The following RABEP1 variants were observed in gnomAD, a reference collection of about 807,000 sequenced individuals.
The protein encoded by RABEP1 is rabaptin, RAB GTPase binding effector protein 1.
RABEP1 carries 51 observed loss-of-function variants against 123.4 expected under a neutral mutation model. The ratio of observed to expected loss-of-function variants is 0.41; its 90% CI spans 0.33 to 0.52. The LOEUF (loss-of-function observed/expected upper bound fraction) is 0.52. Among genes scored for constraint, RABEP1 ranks in the 20% least tolerant of loss-of-function variants. The pLI, the probability that RABEP1 is intolerant of heterozygous loss-of-function variation, is 0.16. For missense variants in RABEP1, 888 were observed against 996.3 expected, an observed-to-expected ratio of 0.89 and a Z score of 1.46; for synonymous variants, 347 against 355.2, an observed-to-expected ratio of 0.98 and a Z score of 0.26.
chr17:5,362,784 G>A (rs1006541626), intron 9 of RABEP1, 128 bp from the exon 10 acceptor site: 20 of 631,124 alleles, frequency 3.2e-5, no homozygotes, highest in Non-Finnish European at 5.1e-5. Flanking sequence ...ACTTTTTGCC[G>A]TAAGGCCCTG....
intron 2 of RABEP1, among the ~76,000 whole-genome samples, chr17:5,319,391 G>T (rs1484098798): frequency 6.6e-6 from 1 of 151,118 alleles, no homozygotes; most frequent in Non-Finnish European, 1.5e-5. Context: ...TTTTGAGGTG[G>T]AGTCTCACTT....
intron 13 of RABEP1, among the ~76,000 whole-genome samples, chr17:5,375,118 C>A (rs200202811): frequency 7.1e-6 from 1 of 141,364 alleles, no homozygotes; most frequent in Non-Finnish European, 1.5e-5. Context: ...TTTTTTTTTC[C>A]TTTTTAAGGA....
chr17:5,332,754 A>C (rs1034114579), intron 3 of RABEP1, among the ~76,000 whole-genome samples: 2 of 151,814 alleles, frequency 1.3e-5, no homozygotes, highest in African/African-American at 2.4e-5. Context: ...GATTACAAGC[A>C]TGTGCCACCA....
chr17:5,338,815 CT>C (rs1211236662), intron 5 of RABEP1, among the ~76,000 whole-genome samples: 1 of 152,014 alleles, frequency 6.6e-6, no homozygotes, highest in Non-Finnish European at 1.5e-5. Flanking sequence ...GATAATGTAG[CT>C]ATAGTATTGC....
At chr17:5,315,311 C>T (rs892257258) in intron 2 of RABEP1, among the ~76,000 whole-genome samples, 1 of 152,236 alleles carries the variant, frequency 6.6e-6, no homozygotes, top group South Asian at 2.1e-4. Flanking sequence ...AGAGACGATA[C>T]AGAGGTTTTA....
At chr17:5,283,011 A>G (rs2074943311) in intron 1 of RABEP1, among the ~76,000 whole-genome samples, 1 of 152,144 alleles carries the variant, frequency 6.6e-6, no homozygotes, top group South Asian at 2.1e-4. Context: ...ATTTAGTAGC[A>G]TTCCCTGAAT....
At chr17:5,365,657 G>A (rs1218302927) in intron 11 of RABEP1, among the ~76,000 whole-genome samples, 2 of 151,882 alleles carry the variant, frequency 1.3e-5, no homozygotes, top group East Asian at 3.9e-4. Flanking sequence ...TAGAATATTA[G>A]CTGGTACCCC....
chr17:5,377,433 C>T, intron 14 of RABEP1, 128 bp downstream of exon 14: 1 of 547,426 alleles, frequency 1.8e-6, no homozygotes, highest in Non-Finnish European at 2.9e-6. Flanking sequence ...GGACTCAGTC[C>T]ATTTTTTGTA....
intron 8 of RABEP1, among the ~76,000 whole-genome samples, chr17:5,360,479 G>T (rs909113497): frequency 6.6e-6 from 1 of 152,222 alleles, no homozygotes; most frequent in Non-Finnish European, 1.5e-5. Flanking sequence ...GGAGAATGGC[G>T]TGAGCCCGGG....
At chr17:5,289,863 T>C (rs2075016357) in intron 1 of RABEP1, among the ~76,000 whole-genome samples, 1 of 152,188 alleles carries the variant, frequency 6.6e-6, no homozygotes, top group Admixed American at 6.6e-5. Flanking sequence ...CCTGCACTTA[T>C]CCACTGTCTT....
intron 2 of RABEP1, among the ~76,000 whole-genome samples, chr17:5,320,116 T>G (rs1286670291): frequency 6.6e-6 from 1 of 151,866 alleles, no homozygotes; most frequent in Non-Finnish European, 1.5e-5. Context: ...AAAGAGAGGA[T>G]CCTAAAAGTA....
intron 1 of RABEP1, chr17:5,283,917 C>T (rs2074952831): frequency 6.6e-6 from 1 of 152,268 alleles, no homozygotes; most frequent in South Asian, 2.1e-4. Flanking sequence ...GGTGGGCTGT[C>T]AGAGAGAGGA....
intron 4 of RABEP1, among the ~76,000 whole-genome samples, chr17:5,335,942 A>G (rs991456434): frequency 3.3e-5 from 5 of 151,968 alleles, no homozygotes; most frequent in Non-Finnish European, 7.4e-5. Flanking sequence ...AATAGATGTT[A>G]GTTTTCCTTC....
In RABEP1 at chr17:5,380,301, T is replaced by G. The variant is rs899880721; in HGVS notation, c.2272-63T>G. ...GTAATTCTCCAGGCTCTAGGCTCTT[T>G]TAGGTAGTGCACTGGGGCCCAGAGG... is the stretch of plus-strand genomic sequence containing the variant. On this transcript the variant is annotated intron_variant, in intron 15 of 17. Transcript: ENST00000537505. 11 of 1,125,164 alleles carry G rather than the reference T, an allele frequency of 9.8e-6. No homozygotes were observed. In the Admixed American group the frequency reaches 2.5e-4, roughly 25 times the overall value. 69.7% of individuals were successfully genotyped at this position (1,125,164 alleles called of 1,614,324 possible). A position where few individuals can be genotyped will look rare whatever the true frequency, so the allele number is the denominator to read the frequency against.
rs927113359 is a variant in RABEP1, at chr17:5,373,368, A to G, written c.1939A>G (p.Lys647Glu). Residue 647 changes from lysine (K) to glutamate (E), a missense_variant, in exon 13 of 18, where the codon AAA becomes GAA. Physicochemically the swap from Lys to Glu is moderately conservative, Grantham distance 56 (BLOSUM62 1). Coordinates refer to ENST00000537505, the MANE Select transcript of RABEP1 (RefSeq NM_004703.6). ...QVSEELVRLQ[K>E]DNDSLQGKHS... The stretch of plus-strand genomic sequence containing the variant: ...TTCAGAAGAGCTGGTGAGGTTACAG[A>G]AAGATAATGACAGTCTCCAGGGAAA... The G allele has an allele frequency of 5.6e-6, 9 of 1,613,418 alleles. No individual in the cohort carries two copies. In the African/African-American group the frequency reaches 9.4e-5, roughly 17 times the overall value.
chr17:5,342,700 A>G (rs1297358359), intron 5 of RABEP1, among the ~76,000 whole-genome samples: 1 of 152,332 alleles, frequency 6.6e-6, no homozygotes, highest in African/African-American at 2.4e-5. Context: ...TTGATAATTC[A>G]GTTCTAGAAG....
chr17:5,332,286 AC>A, intron 3 of RABEP1, 134 bp downstream of exon 3: 1 of 806,502 alleles, frequency 1.2e-6, no homozygotes, highest in Non-Finnish European at 1.9e-6. Context: ...ATCAAGATAT[AC>A]TTTCAGATAA....
At chr17:5,380,202 G>A (rs1911333770) in intron 15 of RABEP1, among the ~76,000 whole-genome samples, 162 bp from the exon 16 acceptor site, 2 of 152,186 alleles carry the variant, frequency 1.3e-5, no homozygotes, top group South Asian at 2.1e-4. Flanking sequence ...GAATAGTTCA[G>A]GAAGAATACA....
At chr17:5,320,248 A>G (rs1217680541) in intron 2 of RABEP1, among the ~76,000 whole-genome samples, 2 of 152,092 alleles carry the variant, frequency 1.3e-5, no homozygotes, top group East Asian at 1.9e-4. Flanking sequence ...TGAAAGAAAA[A>G]AAAAATTTAA....
Sources: allele counts gnomAD v4.1 joint callset (sites outside exome capture counted in the v4.1 genomes callset), GRCh38; gene constraint gnomAD v4.1.1; transcripts MANE v1.5; gene names NCBI Gene and HGNC (gene_info 2026-07-23, HGNC 2026-07-21).